IMMP2L: variants seen among roughly 807,000 people sequenced by gnomAD.
The protein encoded by IMMP2L is mitochondrial inner membrane protease subunit 2.
Under a neutral mutation model 19.3 loss-of-function variants are expected in IMMP2L, and 18 were observed. The ratio of observed to expected loss-of-function variants is 0.93; its 90% CI spans 0.64 to 1.38. The LOEUF is 1.38. Among genes scored for constraint, IMMP2L ranks in the 40% most tolerant of loss-of-function variants. The probability of loss-of-function intolerance (pLI) is 0.00; values close to 1 mark genes in which losing one functional copy is unlikely to be tolerated. For missense variants in IMMP2L, 233 were observed against 218.2 expected (o/e 1.07, Z -0.43); for synonymous variants, 76 against 73.0 (o/e 1.04, Z -0.21).
chr7:111,214,781 C>T (rs1586866246), intron 3 of IMMP2L, among the ~76,000 whole-genome samples: 1 of 145,422 alleles, frequency 6.9e-6, no homozygotes, highest in Admixed American at 6.8e-5. Flanking sequence ...GCTCCATAAC[C>T]ATGTAAAAAA....
At position 111,499,358 on chromosome 7, in the gene IMMP2L, A is replaced by C. The variant is rs577803562; in HGVS notation, c.136-12017T>G. Among the ~76,000 whole-genome samples the C allele has an allele frequency of 3.9e-5, 6 of 152,220 alleles. No individual in the cohort carries two copies. The South Asian group carries it at 1.2e-3, about 32-fold the overall frequency. On this transcript the variant is annotated intron_variant, in intron 2 of 5. Coordinates refer to ENST00000405709, the MANE Select transcript of IMMP2L (RefSeq NM_032549.4). Reference sequence around the variant, plus strand: ...ACCAAAACTCTGCCCTCTAGCTCCAATGAATCATATCCCTCACATATGCAA... The same window carrying C: ...ACCAAAACTCTGCCCTCTAGCTCCACTGAATCATATCCCTCACATATGCAA...
intron 4 of IMMP2L, among the ~76,000 whole-genome samples, chr7:110,926,897 A>C (rs2129551166): frequency 6.6e-6 from 1 of 152,262 alleles, no homozygotes; most frequent in Non-Finnish European, 1.5e-5. Flanking sequence ...TGTTCAGGGG[A>C]CACTGTAAAT....
At chr7:111,402,969 A>T (rs1345318500) in intron 3 of IMMP2L, among the ~76,000 whole-genome samples, 1 of 145,450 alleles carries the variant, frequency 6.9e-6, no homozygotes, top group Non-Finnish European at 1.5e-5. Flanking sequence ...CTGTGGTGCA[A>T]TCTCGGCTCA....
intron 3 of IMMP2L, among the ~76,000 whole-genome samples, chr7:111,016,426 C>A (rs1449868465): frequency 1.5e-5 from 2 of 129,750 alleles, no homozygotes; most frequent in African/African-American, 5.7e-5. Context: ...ATATATTTTA[C>A]ATTATATTTC....
chr7:110,756,385 T>A (rs1175003518), intron 5 of IMMP2L, among the ~76,000 whole-genome samples: 1 of 152,036 alleles, frequency 6.6e-6, no homozygotes, highest in Non-Finnish European at 1.5e-5. Context: ...AAGCTCTAGA[T>A]CCCTATATTT....
At chr7:111,397,668 A>C (rs1225754592) in intron 3 of IMMP2L, among the ~76,000 whole-genome samples, 2 of 152,272 alleles carry the variant, frequency 1.3e-5, no homozygotes, top group African/African-American at 2.4e-5. Context: ...CACTTTAATA[A>C]ATTCATTTTT....
intron 3 of IMMP2L, among the ~76,000 whole-genome samples, chr7:111,141,733 C>CGTTT (rs147677094): frequency 2.6e-5 from 4 of 151,990 alleles, no homozygotes; most frequent in East Asian, 1.9e-4. Flanking sequence ...GATGTTCATT[C>CGTTT]GTTTGTTTGT....
In IMMP2L at chr7:111,474,029, C is replaced by T. The variant is rs956032140; in HGVS notation, c.239+13209G>A. On this transcript the variant is annotated intron_variant, in intron 3 of 5. Transcript: ENST00000405709. Reference sequence around the variant, plus strand: ...ACCATGTCCTTTGCAACAACATGAACGCAGATGGAGGCCATTATCCTAAGA... The same window carrying T: ...ACCATGTCCTTTGCAACAACATGAATGCAGATGGAGGCCATTATCCTAAGA... Among the ~76,000 whole-genome samples the T allele has an allele frequency of 3.9e-5, 6 of 152,134 alleles. 1 individual carries two copies. Among genetic ancestry groups the T allele is most frequent in the East Asian group, 3.9e-4 (2 of 5,170 alleles).
chr7:111,484,740 G>A (rs901005353), intron 3 of IMMP2L, among the ~76,000 whole-genome samples: 5 of 152,078 alleles, frequency 3.3e-5, no homozygotes, highest in Admixed American at 2.6e-4. Flanking sequence ...TTTCTAAATT[G>A]TATGAAAATA....
At chr7:110,964,710 T>C (rs1303182894) in intron 3 of IMMP2L, among the ~76,000 whole-genome samples, 1 of 152,016 alleles carries the variant, frequency 6.6e-6, no homozygotes, top group African/African-American at 2.4e-5. Flanking sequence ...TGCATCACTT[T>C]TGAGATTATG....
intron 3 of IMMP2L, among the ~76,000 whole-genome samples, chr7:111,439,464 A>C (rs1045104253): frequency 6.6e-6 from 1 of 151,928 alleles, no homozygotes; most frequent in South Asian, 2.1e-4. Context: ...GAGTCACACG[A>C]ATTTTTTGGT....
At chr7:111,241,022 C>T (rs1010275375) in intron 3 of IMMP2L, among the ~76,000 whole-genome samples, 4 of 151,878 alleles carry the variant, frequency 2.6e-5, no homozygotes, top group Non-Finnish European at 4.4e-5. Context: ...CATGTAAATG[C>T]TACACTGTCA....
intron 3 of IMMP2L, among the ~76,000 whole-genome samples, chr7:111,143,645 A>G (rs1409371794): frequency 6.6e-6 from 1 of 152,148 alleles, no homozygotes; most frequent in Non-Finnish European, 1.5e-5. Context: ...ACCTCTTACT[A>G]AAGCCAAGAA....
chr7:111,078,374 C>T (rs894261107), intron 3 of IMMP2L, among the ~76,000 whole-genome samples: 1 of 152,120 alleles, frequency 6.6e-6, no homozygotes. Context: ...ATCTTTTGGT[C>T]TAGAATGTCA....
chr7:111,385,589 G>T (rs771775974), intron 3 of IMMP2L, among the ~76,000 whole-genome samples: 1 of 152,066 alleles, frequency 6.6e-6, no homozygotes, highest in South Asian at 2.1e-4. Flanking sequence ...GAGAATGTTT[G>T]ATCTTTTTAT....
intron 5 of IMMP2L, among the ~76,000 whole-genome samples, chr7:110,686,371 T>A (rs1000677722): frequency 3.3e-5 from 5 of 151,998 alleles, no homozygotes; most frequent in South Asian, 4.1e-4. Context: ...CTTGGTAAAC[T>A]CATCCACACC....
intron 3 of IMMP2L, among the ~76,000 whole-genome samples, chr7:111,258,951 A>G (rs1405503827): frequency 2.0e-5 from 3 of 152,162 alleles, no homozygotes; most frequent in African/African-American, 7.2e-5. Flanking sequence ...TGTGAAGTGT[A>G]CTTACACAAA....
At chr7:111,010,595 G>A (rs12705749) in intron 3 of IMMP2L, among the ~76,000 whole-genome samples, 289 of 152,158 alleles carry the variant, frequency 1.9e-3, no homozygotes, top group Admixed American at 2.8e-3. Flanking sequence ...CACAGTTTAC[G>A]AAATTGTTGC....
At chr7:110,808,862 A>C (rs1049093468) in intron 5 of IMMP2L, among the ~76,000 whole-genome samples, 1 of 152,048 alleles carries the variant, frequency 6.6e-6, no homozygotes, top group East Asian at 1.9e-4. Context: ...GCAACAATAT[A>C]ATTAAATCTC....
Sources: allele counts gnomAD v4.1 joint callset (sites outside exome capture counted in the v4.1 genomes callset), GRCh38; gene constraint gnomAD v4.1.1; transcripts MANE v1.5; gene names NCBI Gene and HGNC (gene_info 2026-07-23, HGNC 2026-07-21).